ATRNL1: variants seen among roughly 807,000 people sequenced by gnomAD.
The protein encoded by ATRNL1 is attractin-like protein 1.
ATRNL1 carries 95 observed loss-of-function variants against 182.7 expected under a neutral mutation model. The observed-to-expected ratio is 0.52, with a 90% CI of 0.44 to 0.62. ATRNL1 has a LOEUF of 0.62. Ranked by LOEUF, ATRNL1 falls within the 20% of genes least tolerant of loss-of-function variation. The pLI is 0.00. For synonymous variants in ATRNL1, 576 were observed against 568.3 expected (o/e 1.01, Z -0.19); for missense variants, 1,471 against 1,679.5 (o/e 0.88, Z 2.17).
intron 28 of ATRNL1, among the ~76,000 whole-genome samples, chr10:115,906,488 C>T (rs1489809863): frequency 6.6e-6 from 1 of 152,112 alleles, no homozygotes; most frequent in East Asian, 1.9e-4. Flanking sequence ...TGTTTTCCTC[C>T]TCTCTTAACA....
At chr10:115,728,049 G>A (rs531060389) in intron 27 of ATRNL1, among the ~76,000 whole-genome samples, 251 of 149,696 alleles carry the variant, frequency 1.7e-3, no homozygotes, top group Non-Finnish European at 3.0e-3. Flanking sequence ...GCCAAGGTGG[G>A]CAGATCACGA....
intron 19 of ATRNL1, among the ~76,000 whole-genome samples, chr10:115,363,020 C>A (rs1856829235): frequency 6.6e-6 from 1 of 151,916 alleles, no homozygotes; most frequent in African/African-American, 2.4e-5. Flanking sequence ...ATTTACAGTC[C>A]TTTGGGTATA....
chr10:115,646,268 A>G (rs1000317935), intron 26 of ATRNL1, among the ~76,000 whole-genome samples: 3 of 152,288 alleles, frequency 2.0e-5, no homozygotes, highest in East Asian at 1.9e-4. Context: ...ATTTACGTCC[A>G]TAAGGTCTGC....
chr10:115,270,951 C>T (rs1851833730), intron 13 of ATRNL1, among the ~76,000 whole-genome samples: 1 of 152,062 alleles, frequency 6.6e-6, no homozygotes, highest in South Asian at 2.1e-4. Flanking sequence ...GGTCATAATT[C>T]TACCTAACAT....
intron 15 of ATRNL1, among the ~76,000 whole-genome samples, chr10:115,295,650 C>T (rs1282802632): frequency 1.3e-5 from 2 of 152,072 alleles, no homozygotes; most frequent in East Asian, 1.9e-4. Context: ...AAGGGCCTCT[C>T]CTGCTTGGGG....
At chr10:115,544,559 A>T (rs566896314) in intron 25 of ATRNL1, among the ~76,000 whole-genome samples, 1 of 152,294 alleles carries the variant, frequency 6.6e-6, no homozygotes, top group South Asian at 2.1e-4. Context: ...GAAGTGCCAC[A>T]CATTTTTAAA....
chr10:115,683,553 T>TTTG (rs1463013663), intron 26 of ATRNL1, among the ~76,000 whole-genome samples: 2,755 of 147,280 alleles, frequency 0.019, 130 homozygotes, highest in African/African-American at 0.066. Flanking sequence ...CTAGCGTTTT[T>TTTG]TTTTTTTTTT....
intron 5 of ATRNL1, among the ~76,000 whole-genome samples, 184 bp downstream of exon 5, chr10:115,129,719 A>T (rs1349325496): frequency 3.9e-5 from 6 of 152,236 alleles, no homozygotes; most frequent in African/African-American, 1.4e-4. Flanking sequence ...AATAGAATTA[A>T]TTGGCAAAGA....
intron 19 of ATRNL1, among the ~76,000 whole-genome samples, chr10:115,353,851 AC>A (rs1457508514): frequency 4.6e-5 from 7 of 152,204 alleles, no homozygotes; most frequent in African/African-American, 7.2e-5. Context: ...CAAAGAAAAA[AC>A]TAAAAAATTC....
At chr10:115,388,667 A>T (rs1342171691) in intron 19 of ATRNL1, among the ~76,000 whole-genome samples, 4 of 151,928 alleles carry the variant, frequency 2.6e-5, no homozygotes, top group Non-Finnish European at 5.9e-5. Flanking sequence ...CATTATTTAT[A>T]ATGTGTATCA....
Position 115,911,045 on chromosome 10 carries a change from C to T in ATRNL1, c.4019-33613C>T, listed in dbSNP as rs143785021. ...TTGGAAACAGAGTCTCACTTTGTCG[C>T]CCAGGCTGGAGTGCAATAGTGCGAT... On this transcript the variant is annotated intron_variant, in intron 28 of 28. Coordinates refer to ENST00000355044, the MANE Select transcript of ATRNL1 (RefSeq NM_207303.4). Among the ~76,000 whole-genome samples, 141 of 152,240 alleles carry T rather than the reference C, an allele frequency of 9.3e-4. 4 individuals carry two copies. Among genetic ancestry groups the T allele is most frequent in the Non-Finnish European group, 3.8e-4 (26 of 68,020 alleles).
chr10:115,772,593 CTGTCTGTGTG>C (rs1165539962), intron 27 of ATRNL1, among the ~76,000 whole-genome samples: 2,751 of 125,652 alleles, frequency 0.022, 46 homozygotes, highest in Non-Finnish European at 0.028. Flanking sequence ...AATATATACT[CTGTCTGTGTG>C]TGTGTGTGTG....
chr10:115,797,715 A>T (rs1232484292), intron 27 of ATRNL1, among the ~76,000 whole-genome samples: 1 of 152,136 alleles, frequency 6.6e-6, no homozygotes, highest in Non-Finnish European at 1.5e-5. Context: ...AGTGTAGTGG[A>T]TAGAAATGGG....
chr10:115,125,412 T>G (rs562271940), intron 3 of ATRNL1, among the ~76,000 whole-genome samples: 1 of 152,238 alleles, frequency 6.6e-6, no homozygotes, highest in East Asian at 1.9e-4. Flanking sequence ...TGCTTGCTTG[T>G]ACACCACACT....
rs535529092 is a variant in ATRNL1 at position 115,702,004 on chromosome 10, T to A, written c.3796-25244T>A. On this transcript the variant is annotated intron_variant, in intron 26 of 28. Transcript: ENST00000355044. ...GAAAAGACACAACAAAAAAAGAAAGTTATGCAAAATTCCTCAACAAAATAC... is the reference window on the plus strand; with the variant it reads ...GAAAAGACACAACAAAAAAAGAAAGATATGCAAAATTCCTCAACAAAATAC... Among the ~76,000 whole-genome samples, 12 of 151,162 alleles carry A rather than the reference T, an allele frequency of 7.9e-5. No homozygotes were observed. The South Asian group carries it at 2.5e-3, about 31-fold the overall frequency.
At chr10:115,856,616 G>A (rs1294090215) in intron 28 of ATRNL1, among the ~76,000 whole-genome samples, 1 of 151,708 alleles carries the variant, frequency 6.6e-6, no homozygotes, top group East Asian at 1.9e-4. Flanking sequence ...GATGGTTTTG[G>A]GATTAAACTG....
rs57027229 is a variant in ATRNL1 at position 115,652,314 on chromosome 10, G to A, written c.3796-74934G>A. ...TTTGTATTTTTCTCATTATGTTTGAGATGACAAAATCATTCATCATTCTCA... is the reference window on the plus strand; with the variant it reads ...TTTGTATTTTTCTCATTATGTTTGAAATGACAAAATCATTCATCATTCTCA... On this transcript the variant is annotated intron_variant, in intron 26 of 28. Coordinates refer to ENST00000355044, the MANE Select transcript of ATRNL1 (RefSeq NM_207303.4). Among the ~76,000 whole-genome samples the A allele has an allele frequency of 9.9e-3, 1,498 of 151,870 alleles. 18 individuals are homozygous for A. The highest frequency in any genetic ancestry group is 0.034 in the African/African-American group (1,418 of 41,456).
intron 20 of ATRNL1, among the ~76,000 whole-genome samples, chr10:115,398,394 GT>G (rs1844390938): frequency 6.6e-6 from 1 of 151,808 alleles, no homozygotes; most frequent in Non-Finnish European, 1.5e-5. Flanking sequence ...TGATTTTTTT[GT>G]GCAGTGGTTT....
intron 28 of ATRNL1, among the ~76,000 whole-genome samples, chr10:115,937,222 A>G (rs1489833290): frequency 1.3e-5 from 2 of 152,204 alleles, no homozygotes; most frequent in Non-Finnish European, 2.9e-5. Flanking sequence ...TAACTTGAGC[A>G]GTGTGTCTCT....
Sources: gnomAD v4.1 joint callset for allele counts (sites outside exome capture counted in the v4.1 genomes callset) on GRCh38, gnomAD v4.1.1 for gene constraint, MANE v1.5 for transcripts, NCBI Gene and HGNC (gene_info 2026-07-23, HGNC 2026-07-21) for gene names.